Variants in TSSK1B observed in about 807,000 individuals in gnomAD.
TSSK1B encodes the protein testis-specific serine/threonine-protein kinase 1.
Under a neutral mutation model 4.0 loss-of-function variants are expected in TSSK1B, and 2 were observed. That is an observed-to-expected ratio of 0.50 (90% CI 0.20 to 1.57). The LOEUF (loss-of-function observed/expected upper bound fraction) is 1.57, where lower values mean the gene tolerates loss of function less well. TSSK1B is among the 40% of genes most tolerant of loss of function. The probability of loss-of-function intolerance (pLI) is 0.22; values close to 1 mark genes in which losing one functional copy is unlikely to be tolerated. For synonymous variants in TSSK1B, 198 were observed against 200.7 expected (o/e 0.99, Z 0.11); for missense variants, 488 against 495.1 (o/e 0.99, Z 0.14).
rs1226086355 is a variant in TSSK1B at position 113,434,122 on chromosome 5, G to A, written c.718C>T (p.His240Tyr). ...EHRVNFPRSK[H>Y]LTGECKDLIY... ...AGGTCCTTGCACTCGCCTGTCAGGT[G>A]CTTGGAGCGTGGGAAGTTGACGCGG... The change falls in exon 1 of 1, where the codon CAC (histidine) becomes TAC (tyrosine). Residue 240 changes from histidine (H) to tyrosine (Y), a missense_variant. His to Tyr is a moderately conservative substitution (Grantham distance 83). Transcript: ENST00000390666. This position sits in a 1 kb window ranked among gnomAD's most constrained non-coding sequence, Gnocchi z 4.2. The A allele has an allele frequency of 6.2e-6, 10 of 1,614,218 alleles. No homozygotes were observed. Among genetic ancestry groups the A allele is most frequent in the East Asian group, 2.2e-5 (1 of 44,882 alleles).
rs201871941 is a variant in TSSK1B, at chr5:113,434,743, G to A, written c.97C>T (p.Arg33Cys). The A allele has an allele frequency of 4.6e-5, 74 of 1,614,064 alleles. No homozygotes were observed. Among genetic ancestry groups the A allele is most frequent in the South Asian group, 1.9e-4 (17 of 91,080 alleles). ...TTGATCGCCACATTGAACTTCAGGC[G>A]CTCAGAGTAAGCAGATTTTACTTTT... The part of the protein sequence containing the change: ...YAKVKSAYSE[R>C]LKFNVAIKII... Residue 33 changes from arginine (R) to cysteine (C), a missense_variant, in exon 1 of 1, where the codon CGC (arginine) becomes TGC (cysteine). Coordinates refer to ENST00000390666, the MANE Select transcript of TSSK1B (RefSeq NM_032028.4). This position sits in a 1 kb window ranked among gnomAD's most constrained non-coding sequence, Gnocchi z 4.2.
Position 113,434,716 on chromosome 5 carries a change from T to A in TSSK1B, c.124A>T (p.Ile42Phe). 6.2e-7 allele frequency: 1 copy of A among 1,614,052 alleles called. No individual in the cohort carries two copies. The highest frequency in any genetic ancestry group is 8.5e-7 in the Non-Finnish European group (1 of 1,179,958). The change falls in exon 1 of 1, where the codon ATC (isoleucine) becomes TTC (phenylalanine). Residue 42 changes from isoleucine to phenylalanine, a missense_variant. Transcript: ENST00000390666. This position sits in a 1 kb window ranked among gnomAD's most constrained non-coding sequence, Gnocchi z 4.2. ...ERLKFNVAIK[I>F]IDRKKAPADF... ...GCGGGGGCCTTCTTGCGGTCGATGA[T>A]CTTGATCGCCACATTGAACTTCAGG...
Position 113,433,509 on chromosome 5 carries a change from G to C in TSSK1B, c.*227C>G. Reference sequence around the variant, plus strand: ...ACCTGCTCCGGGTCACGCTCTGGGGGAGTAGGAGTCGCACGACTGTCTCAG... The same window carrying C: ...ACCTGCTCCGGGTCACGCTCTGGGGCAGTAGGAGTCGCACGACTGTCTCAG... On this transcript the variant is annotated 3_prime_UTR_variant, in exon 1 of 1. Coordinates refer to ENST00000390666, the MANE Select transcript of TSSK1B (RefSeq NM_032028.4). 1 of 622,582 alleles carries C rather than the reference G, an allele frequency of 1.6e-6. No homozygotes were observed. Among genetic ancestry groups the C allele is most frequent in the South Asian group, 2.0e-5 (1 of 50,186 alleles). 38.6% of individuals were successfully genotyped at this position (622,582 alleles called of 1,614,324 possible).
chr5:113,434,989 T>C lies in TSSK1B; in HGVS notation c.-150A>G, dbSNP rs984405506. 76 of 912,896 alleles carry C rather than the reference T, an allele frequency of 8.3e-5. No individual in the cohort carries two copies. Among genetic ancestry groups the C allele is most frequent in the Non-Finnish European group, 1.2e-4 (71 of 614,206 alleles). The allele number at this position is 912,896 out of a possible 1,614,324, so 56.5% of individuals were successfully genotyped here. ...CCTCCTAGAGGCCAAGACTCTGGAG[T>C]GGAACATTTGGCACTGTCTCCCAGA... On this transcript the variant is annotated 5_prime_UTR_variant, in exon 1 of 1. Coordinates refer to ENST00000390666, the MANE Select transcript of TSSK1B (RefSeq NM_032028.4). The surrounding 1 kb of genome is among the most constrained non-coding windows in gnomAD (Gnocchi z 4.2).
rs1432367459 is a variant in TSSK1B, at chr5:113,434,111, G to A, written c.729C>T (p.Gly243=). 3.1e-6 allele frequency: 5 copies of A among 1,614,216 alleles called. No homozygotes were observed. The highest frequency in any genetic ancestry group is 2.2e-5 in the East Asian group (1 of 44,882). The change falls in exon 1 of 1, where the codon GGC becomes GGT. Residue 243 remains glycine (G), a synonymous_variant. Transcript: ENST00000390666. The surrounding 1 kb of genome is among the most constrained non-coding windows in gnomAD (Gnocchi z 4.2). ...TGTGGTAGATGAGGTCCTTGCACTCGCCTGTCAGGTGCTTGGAGCGTGGGA... is the reference window on the plus strand; with the variant it reads ...TGTGGTAGATGAGGTCCTTGCACTCACCTGTCAGGTGCTTGGAGCGTGGGA... ...VNFPRSKHLT[G]ECKDLIYHML...
Position 113,434,682 on chromosome 5 carries a change from AAG to A in TSSK1B, c.156_157del (p.Leu53GlyfsTer9). The A allele has an allele frequency of 8.1e-6, 13 of 1,614,008 alleles. No homozygotes were observed. The highest frequency in any genetic ancestry group is 1.1e-5 in the Non-Finnish European group (13 of 1,179,898). On this transcript the variant is annotated frameshift_variant, in exon 1 of 1. Coordinates refer to ENST00000390666, the MANE Select transcript of TSSK1B (RefSeq NM_032028.4). LOFTEE classifies it high-confidence loss of function. The surrounding 1 kb of genome is among the most constrained non-coding windows in gnomAD (Gnocchi z 4.2). ...AATTTCCCGGGGAAGGAATTTCTCC[AAG>A]AAGTCTGCGGGGGCCTTCTTGCGGT...
In TSSK1B at chr5:113,433,889, C is replaced by A. The variant is rs919931737; in HGVS notation, c.951G>T (p.Glu317Asp). 6.2e-7 allele frequency: 1 copy of A among 1,614,042 alleles called. No individual in the cohort carries two copies. The highest frequency in any genetic ancestry group is 8.5e-7 in the Non-Finnish European group (1 of 1,179,894). ...TCTCAGGCTGTGCCTGGGGCTGTGC[C>A]TCTCCCTCAGGCTCCAGCTTGGTGG... The part of the protein sequence containing the change: ...KSATKLEPEG[E>D]AQPQAQPETK... Residue 317 changes from glutamate (E) to aspartate (D), a missense_variant, in exon 1 of 1, where the codon GAG becomes GAT. Physicochemically the swap from Glu to Asp is conservative, Grantham distance 45 (BLOSUM62 2). Coordinates refer to ENST00000390666, the MANE Select transcript of TSSK1B (RefSeq NM_032028.4).
Position 113,434,329 on chromosome 5 carries a change from A to AT in TSSK1B, c.510dup (p.Leu171IlefsTer125). The AT allele has an allele frequency of 6.2e-7, 1 of 1,613,910 alleles. No homozygotes were observed. Among genetic ancestry groups the AT allele is most frequent in the Non-Finnish European group, 8.5e-7 (1 of 1,179,876 alleles). ...GGTGACCCACAGAAGGTCTTGCTTA[A>AT]TGCCATTCGACCACTGTCATCCCGC... is the stretch of plus-strand genomic sequence containing the variant. On this transcript the variant is annotated frameshift_variant, in exon 1 of 1. Coordinates refer to ENST00000390666, the MANE Select transcript of TSSK1B (RefSeq NM_032028.4). LOFTEE classifies it low-confidence loss of function (END_TRUNC). The surrounding 1 kb of genome is among the most constrained non-coding windows in gnomAD (Gnocchi z 4.2).
At position 113,434,751 on chromosome 5, in the gene TSSK1B, T is replaced by C. The variant is rs754431398; in HGVS notation, c.89A>G (p.Tyr30Cys). The C allele has an allele frequency of 1.2e-6, 2 of 1,614,044 alleles. No homozygotes were observed. Among genetic ancestry groups the C allele is most frequent in the East Asian group, 2.2e-5 (1 of 44,878 alleles). The change falls in exon 1 of 1, where the codon TAC (tyrosine) becomes TGC (cysteine). Residue 30 changes from tyrosine (Y) to cysteine (C), a missense_variant. Coordinates refer to ENST00000390666, the MANE Select transcript of TSSK1B (RefSeq NM_032028.4). This position sits in a 1 kb window ranked among gnomAD's most constrained non-coding sequence, Gnocchi z 4.2. ...EGSYAKVKSA[Y>C]SERLKFNVAI... ...CACATTGAACTTCAGGCGCTCAGAG[T>C]AAGCAGATTTTACTTTTGCATAGGA...
rs1352502123 is a variant in TSSK1B at position 113,434,195 on chromosome 5, G to C, written c.645C>G (p.Pro215=). The change falls in exon 1 of 1, where the codon CCC becomes CCG. Residue 215 remains proline, a synonymous_variant. Transcript: ENST00000390666. This position sits in a 1 kb window ranked among gnomAD's most constrained non-coding sequence, Gnocchi z 4.2. ...ILYIMVCGSM[P]YDDSNIKKML... Reference sequence around the variant, plus strand: ...TCTTCTTGATGTTGGAGTCGTCGTAGGGCATGGAGCCGCAGACCATGATGT... The same window carrying C: ...TCTTCTTGATGTTGGAGTCGTCGTACGGCATGGAGCCGCAGACCATGATGT... 1.9e-6 allele frequency: 3 copies of C among 1,614,136 alleles called. No individual in the cohort carries two copies. The highest frequency in any genetic ancestry group is 1.3e-5 in the African/African-American group (1 of 75,036).
At position 113,432,615 on chromosome 5, in the gene TSSK1B, C is replaced by G. The variant is rs1455596621; in HGVS notation, c.*1121G>C. 1.3e-5 allele frequency: 2 copies of G among 152,148 alleles called. No homozygotes were observed. The highest frequency in any genetic ancestry group is 2.9e-5 in the Non-Finnish European group (2 of 68,030). The allele number at this position is 152,148 out of a possible 1,614,324, so 9.4% of individuals were successfully genotyped here. On this transcript the variant is annotated 3_prime_UTR_variant, in exon 1 of 1. Coordinates refer to ENST00000390666, the MANE Select transcript of TSSK1B (RefSeq NM_032028.4). ...TGAGACATATAGATTAACCAACTTG[C>G]CCAAGATCATTTAGTAGCAGAGTCA... is the stretch of plus-strand genomic sequence containing the variant.
At position 113,434,043 on chromosome 5, in the gene TSSK1B, A is replaced by T; in HGVS notation, c.797T>A (p.Ile266Asn). 1.9e-6 allele frequency: 3 copies of T among 1,614,020 alleles called. No individual in the cohort carries two copies. The highest frequency in any genetic ancestry group is 2.5e-6 in the Non-Finnish European group (3 of 1,179,908). ...GGGCTGCATCCAGCAGTGGCTGAGG[A>T]TCTCGTCGATGTGGAGCCGCCGGTT... is the stretch of plus-strand genomic sequence containing the variant. ...DVNRRLHIDE[I>N]LSHCWMQPKA... Residue 266 changes from isoleucine (I) to asparagine (N), a missense_variant, in exon 1 of 1, where the codon ATC (isoleucine) becomes AAC (asparagine). Coordinates refer to ENST00000390666, the MANE Select transcript of TSSK1B (RefSeq NM_032028.4). The surrounding 1 kb of genome is among the most constrained non-coding windows in gnomAD (Gnocchi z 4.2).
rs1770694321 is a variant in TSSK1B at position 113,432,614 on chromosome 5, G to C, written c.*1122C>G. On this transcript the variant is annotated 3_prime_UTR_variant, in exon 1 of 1. Transcript: ENST00000390666. ...CTGAGACATATAGATTAACCAACTT[G>C]CCCAAGATCATTTAGTAGCAGAGTC... The C allele has an allele frequency of 6.6e-6, 1 of 152,142 alleles. No individual in the cohort carries two copies. Among genetic ancestry groups the C allele is most frequent in the Non-Finnish European group, 1.5e-5 (1 of 68,036 alleles). 9.4% of individuals were successfully genotyped at this position (152,142 alleles called of 1,614,324 possible). A position where few individuals can be genotyped will look rare whatever the true frequency, so the allele number is the denominator to read the frequency against.
chr5:113,434,456 G>A lies in TSSK1B; in HGVS notation c.384C>T (p.His128=), dbSNP rs373466021. The change falls in exon 1 of 1, where the codon CAC becomes CAT. Residue 128 remains histidine, a synonymous_variant. Transcript: ENST00000390666. This position sits in a 1 kb window ranked among gnomAD's most constrained non-coding sequence, Gnocchi z 4.2. ...GGTCCCGGTGGACGACGTCCAGGTC[G>A]TGGCAGTACTTGATGGCCAAGGAAA... ...HQLSLAIKYC[H]DLDVVHRDLK... 342 of 1,613,526 alleles carry A rather than the reference G, an allele frequency of 2.1e-4. No homozygotes were observed. The highest frequency in any genetic ancestry group is 2.7e-4 in the Non-Finnish European group (320 of 1,179,874).
rs766698338 is a variant in TSSK1B, at chr5:113,433,993, C to T, written c.847G>A (p.Ala283Thr). The T allele has an allele frequency of 6.2e-7, 1 of 1,613,904 alleles. No individual in the cohort carries two copies. Among genetic ancestry groups the T allele is most frequent in the African/African-American group, 1.3e-5 (1 of 74,934 alleles). The change falls in exon 1 of 1, where the codon GCC (alanine) becomes ACC (threonine). Residue 283 changes from alanine to threonine, a missense_variant. By Grantham distance (58) the Ala-to-Thr change is moderately conservative (BLOSUM62 0). Coordinates refer to ENST00000390666, the MANE Select transcript of TSSK1B (RefSeq NM_032028.4). ...QPKARGSPSVAINKEGESSRG... is the reference protein window; with the variant it reads ...QPKARGSPSVTINKEGESSRG... The stretch of plus-strand genomic sequence containing the variant: ...GAACTCTCCCCCTCCTTGTTGATGG[C>T]CACAGAGGGAGATCCCCGTGCCTTG...
In TSSK1B at chr5:113,433,910, G is replaced by C; in HGVS notation, c.930C>G (p.Thr310=). 1 of 1,614,012 alleles carries C rather than the reference G, an allele frequency of 6.2e-7. No homozygotes were observed. Among genetic ancestry groups the C allele is most frequent in the Non-Finnish European group, 8.5e-7 (1 of 1,179,884 alleles). Residue 310 remains threonine, a synonymous_variant, in exon 1 of 1, where the codon ACC becomes ACG. Transcript: ENST00000390666. The part of the protein sequence containing the change: ...PEPGSDKKSA[T]KLEPEGEAQP... ...GTGCCTCTCCCTCAGGCTCCAGCTT[G>C]GTGGCAGACTTCTTGTCAGAGCCAG... is the stretch of plus-strand genomic sequence containing the variant.
rs1770788872 is a variant in TSSK1B, at chr5:113,434,599, T to C, written c.241A>G (p.Thr81Ala). The change falls in exon 1 of 1, where the codon ACA becomes GCA. Residue 81 changes from threonine to alanine, a missense_variant. Coordinates refer to ENST00000390666, the MANE Select transcript of TSSK1B (RefSeq NM_032028.4). This position sits in a 1 kb window ranked among gnomAD's most constrained non-coding sequence, Gnocchi z 4.2. ...ACGATGTAGACCTTGCCATGTGATGTCTCAAAGATCTCGTAGGTCTTAATG... is the reference window on the plus strand; with the variant it reads ...ACGATGTAGACCTTGCCATGTGATGCCTCAAAGATCTCGTAGGTCTTAATG... ...SIIKTYEIFE[T>A]SHGKVYIVME... The C allele has an allele frequency of 6.2e-7, 1 of 1,613,854 alleles. No homozygotes were observed. Among genetic ancestry groups the C allele is most frequent in the Non-Finnish European group, 8.5e-7 (1 of 1,179,862 alleles).
chr5:113,434,300 C>G lies in TSSK1B; in HGVS notation c.540G>C (p.Ala180=), dbSNP rs34936289. 90 of 1,613,790 alleles carry G rather than the reference C, an allele frequency of 5.6e-5. No individual in the cohort carries two copies. Among genetic ancestry groups the G allele is most frequent in the Non-Finnish European group, 7.4e-5 (87 of 1,179,952 alleles). Residue 180 remains alanine (A), a synonymous_variant, in exon 1 of 1, where the codon GCG becomes GCC. Transcript: ENST00000390666. This position sits in a 1 kb window ranked among gnomAD's most constrained non-coding sequence, Gnocchi z 4.2. ...CCTGCAGCACCTCTGGGGCCGCATA[C>G]GCTGGTGACCCACAGAAGGTCTTGC... ...ALSKTFCGSP[A]YAAPEVLQGI...
chr5:113,434,885 C>T lies in TSSK1B; in HGVS notation c.-46G>A, dbSNP rs577606599. ...CCTCTGAGGCTGCCCTCTACAGCCCCGAGGCGCATGGGCCAGCAGTGTGCT... is the reference window on the plus strand; with the variant it reads ...CCTCTGAGGCTGCCCTCTACAGCCCTGAGGCGCATGGGCCAGCAGTGTGCT... On this transcript the variant is annotated 5_prime_UTR_variant, in exon 1 of 1. Coordinates refer to ENST00000390666, the MANE Select transcript of TSSK1B (RefSeq NM_032028.4). The surrounding 1 kb of genome is among the most constrained non-coding windows in gnomAD (Gnocchi z 4.2). The T allele has an allele frequency of 1.4e-4, 224 of 1,568,922 alleles. 1 individual carries two copies. Among genetic ancestry groups the T allele is most frequent in the Middle Eastern group, 4.2e-4 (2 of 4,788 alleles).
Sources: allele counts gnomAD v4.1 joint callset, GRCh38; gene constraint gnomAD v4.1.1; non-coding constraint Gnocchi (gnomAD v3.1); transcripts MANE v1.5; gene names NCBI Gene and HGNC (gene_info 2026-07-23, HGNC 2026-07-21).